The following TTLL11 variants were observed in gnomAD, a reference collection of about 807,000 sequenced individuals.
TTLL11 encodes tubulin polyglutamylase TTLL11.
TTLL11 carries 42 observed loss-of-function variants against 51.7 expected under a neutral mutation model. The observed-to-expected ratio is 0.81, with a 90% CI of 0.64 to 1.05. The LOEUF (loss-of-function observed/expected upper bound fraction) is 1.05. Among genes scored for constraint, TTLL11 ranks in the 50% least tolerant of loss-of-function variants. The pLI is 0.00. For synonymous variants in TTLL11, 381 were observed against 383.5 expected (o/e 0.99, Z 0.08); for missense variants, 799 against 940.4 (o/e 0.85, Z 1.97).
chr9:121,952,739 C>T (rs912779306), intron 6 of TTLL11, among the ~76,000 whole-genome samples: 5 of 152,140 alleles, frequency 3.3e-5, no homozygotes, highest in African/African-American at 1.2e-4. Context: ...GGAGCTCATT[C>T]CTGCTGCCCT....
intron 3 of TTLL11, 106 bp downstream of exon 3, chr9:122,031,617 T>TC (rs1844546502): frequency 7.2e-7 from 1 of 1,391,488 alleles, no homozygotes; most frequent in Non-Finnish European, 9.7e-7. Context: ...GCTCCCTTAG[T>TC]CGCAGCTCCC....
At chr9:121,832,224 G>T (rs1277674168) in intron 8 of TTLL11, among the ~76,000 whole-genome samples, 1 of 152,144 alleles carries the variant, frequency 6.6e-6, no homozygotes. Context: ...CAGTTCTGCT[G>T]AGGTGCACCT....
chr9:121,870,242 C>G (rs1838313794), intron 7 of TTLL11, among the ~76,000 whole-genome samples: 1 of 152,184 alleles, frequency 6.6e-6, no homozygotes, highest in Non-Finnish European at 1.5e-5. Context: ...CAGGACTCAG[C>G]TCAAGGTAGG....
At chr9:121,968,764 T>C (rs182083987) in intron 6 of TTLL11, among the ~76,000 whole-genome samples, 25 of 152,128 alleles carry the variant, frequency 1.6e-4, no homozygotes, top group Admixed American at 1.6e-3. Flanking sequence ...TTTCACCATA[T>C]TGGCCAGGCT....
intron 1 of TTLL11, among the ~76,000 whole-genome samples, chr9:122,052,436 G>A (rs771303028): frequency 1.1e-4 from 17 of 152,212 alleles, no homozygotes; most frequent in Non-Finnish European, 1.5e-4. Flanking sequence ...CTGTTTCCTC[G>A]ATGGGAACAA....
At chr9:122,055,803 C>T (rs937577302) in intron 1 of TTLL11, among the ~76,000 whole-genome samples, 2 of 152,108 alleles carry the variant, frequency 1.3e-5, no homozygotes, top group African/African-American at 4.8e-5. Flanking sequence ...AACCAAGGCT[C>T]GGAAAGGTTG....
intron 8 of TTLL11, among the ~76,000 whole-genome samples, chr9:121,835,612 T>C (rs1324413829): frequency 6.6e-6 from 1 of 152,036 alleles, no homozygotes; most frequent in East Asian, 1.9e-4. Context: ...TGCAGAAAAA[T>C]CATTACCCCC....
At chr9:122,009,003 A>G (rs1843728298) in intron 3 of TTLL11, among the ~76,000 whole-genome samples, 1 of 152,258 alleles carries the variant, frequency 6.6e-6, no homozygotes, top group African/African-American at 2.4e-5. Flanking sequence ...ACACAGAAGT[A>G]GAGAATAGAA....
chr9:121,828,204 GCT>G (rs1836882545), intron 8 of TTLL11, among the ~76,000 whole-genome samples: 2 of 142,680 alleles, frequency 1.4e-5, no homozygotes, highest in Middle Eastern at 4.0e-3. Flanking sequence ...ATGGAGTTTC[GCT>G]CTGTTTCCCA....
intron 6 of TTLL11, among the ~76,000 whole-genome samples, chr9:121,918,263 C>T (rs938296798): frequency 3.3e-5 from 5 of 152,092 alleles, no homozygotes; most frequent in Admixed American, 6.5e-5. Flanking sequence ...TGAGGCCTAA[C>T]GGAGAGGCTG....
At chr9:121,912,506 T>C (rs1471059061) in intron 6 of TTLL11, among the ~76,000 whole-genome samples, 1 of 151,708 alleles carries the variant, frequency 6.6e-6, no homozygotes, top group Non-Finnish European at 1.5e-5. Flanking sequence ...CCACAGTCCA[T>C]GCAGGCGTCG....
Position 122,030,503 on chromosome 9 carries a change from A to C in TTLL11, c.693+1220T>G, listed in dbSNP as rs573064741. Reference sequence around the variant, plus strand: ...GACTCAGAAAGCATATGCCTTGGAAATAGCTCTAGGTTTTAAACCTTACTT... The same window carrying C: ...GACTCAGAAAGCATATGCCTTGGAACTAGCTCTAGGTTTTAAACCTTACTT... On this transcript the variant is annotated intron_variant, in intron 3 of 8. Coordinates refer to ENST00000321582, the MANE Select transcript of TTLL11 (RefSeq NM_001139442.2). 2.0e-5 allele frequency among the ~76,000 whole-genome samples: 3 copies of C among 152,340 alleles called. No homozygotes were observed. In the East Asian group the frequency reaches 5.8e-4, roughly 29 times the overall value.
At chr9:121,837,905 G>A (rs1249642388) in intron 8 of TTLL11, among the ~76,000 whole-genome samples, 1 of 152,150 alleles carries the variant, frequency 6.6e-6, no homozygotes, top group African/African-American at 2.4e-5. Context: ...TGGAGACACG[G>A]TCTTCCCACG....
intron 6 of TTLL11, among the ~76,000 whole-genome samples, chr9:121,924,476 AC>A (rs1245178137): frequency 6.6e-6 from 1 of 152,230 alleles, no homozygotes; most frequent in Non-Finnish European, 1.5e-5. Context: ...TGTTCTCATC[AC>A]AACGTAGCTG....
chr9:121,942,522 G>T (rs1040743572), intron 6 of TTLL11, among the ~76,000 whole-genome samples: 3 of 152,178 alleles, frequency 2.0e-5, no homozygotes, highest in South Asian at 2.1e-4. Context: ...GCTCCTAGAA[G>T]AGTGCCCGGT....
At chr9:121,969,952 C>T (rs1694078606) in intron 6 of TTLL11, among the ~76,000 whole-genome samples, 1 of 152,036 alleles carries the variant, frequency 6.6e-6, no homozygotes, top group South Asian at 2.1e-4. Flanking sequence ...GATCATAATC[C>T]CTTACATATA....
chr9:121,875,168 C>T (rs1838522663), intron 6 of TTLL11, among the ~76,000 whole-genome samples: 1 of 152,146 alleles, frequency 6.6e-6, no homozygotes, highest in Non-Finnish European at 1.5e-5. Flanking sequence ...AGTTCCAGAA[C>T]ATTTTTGAAA....
At chr9:121,826,296 G>GTATATATATATGTGGGTTTA (rs1564260089) in intron 8 of TTLL11, among the ~76,000 whole-genome samples, 1 of 90,244 alleles carries the variant, frequency 1.1e-5, no homozygotes, top group African/African-American at 6.1e-5. Flanking sequence ...GTGTGTGGGT[G>GTATATATATATGTGGGTTTA]TATATATATA....
chr9:121,826,525 ATATG>A (rs1564260488), intron 8 of TTLL11, among the ~76,000 whole-genome samples: 5 of 48,816 alleles, frequency 1.0e-4, no homozygotes, highest in African/African-American at 4.4e-4. Context: ...GTATATATAT[ATATG>A]TGTGTGTGTA....
Sources: gnomAD v4.1 joint callset for allele counts (sites outside exome capture counted in the v4.1 genomes callset) on GRCh38, gnomAD v4.1.1 for gene constraint, MANE v1.5 for transcripts, NCBI Gene and HGNC (gene_info 2026-07-23, HGNC 2026-07-21) for gene names.